Variants in MTA1 observed in about 807,000 individuals in gnomAD.
The protein encoded by MTA1 is metastasis-associated protein MTA1.
Under a neutral mutation model 97.0 loss-of-function variants are expected in MTA1, and 15 were observed. The observed-to-expected ratio is 0.15, with a 90% CI of 0.10 to 0.24. MTA1 has a LOEUF of 0.24. Ranked by LOEUF, MTA1 falls within the 10% of genes least tolerant of loss-of-function variation. The pLI is 1.00. For missense variants in MTA1, 709 were observed against 1,015.1 expected, an observed-to-expected ratio of 0.70 and a Z score of 4.10; for synonymous variants, 435 against 417.5, an observed-to-expected ratio of 1.04 and a Z score of -0.51.
rs113573281 is a variant in MTA1 at position 105,463,562 on chromosome 14, C to T, written c.1076+11C>T. 7.7e-4 allele frequency: 1,235 copies of T among 1,612,592 alleles called. 19 individuals are homozygous for T. Among genetic ancestry groups the T allele is most frequent in the South Asian group, 6.1e-3 (557 of 91,058 alleles). ...TTATATTCCCAACTAGTAAGTGTGC[C>T]CTCACAGCCGTCGTCCTCGTGGCCC... is the stretch of plus-strand genomic sequence containing the variant. On this transcript the variant is annotated intron_variant, in intron 12 of 20. Transcript: ENST00000331320. This position sits in a 1 kb window ranked among gnomAD's most constrained non-coding sequence, Gnocchi z 5.9.
At chr14:105,430,033 A>G (rs2082133993) in intron 1 of MTA1, among the ~76,000 whole-genome samples, 1 of 152,136 alleles carries the variant, frequency 6.6e-6, no homozygotes, top group Non-Finnish European at 1.5e-5. Flanking sequence ...CTGGGAATAC[A>G]GGTGTGAGCC....
chr14:105,437,621 G>A (rs782151819), intron 1 of MTA1, among the ~76,000 whole-genome samples: 8 of 152,226 alleles, frequency 5.3e-5, no homozygotes, highest in Non-Finnish European at 1.2e-4. Flanking sequence ...GCCTCCGTGT[G>A]GACAGATGGG....
Position 105,465,129 on chromosome 14 carries a change from C to T in MTA1, c.1570C>T (p.Leu524=). ...GCTGCCCGAAGCCTCCCAGAGCCCGCTGGTGCTGAAGCAGGCGGTACGCAA... is the reference window on the plus strand; with the variant it reads ...GCTGCCCGAAGCCTCCCAGAGCCCGTTGGTGCTGAAGCAGGCGGTACGCAA... ...ARLPEASQSP[L]VLKQAVRKPL... is the part of the protein sequence containing the mutation. The change falls in exon 16 of 21, where the codon CTG becomes TTG. Residue 524 remains leucine (L), a synonymous_variant. Coordinates refer to ENST00000331320, the MANE Select transcript of MTA1 (RefSeq NM_004689.4). 6.6e-7 allele frequency: 1 copy of T among 1,524,982 alleles called. No individual in the cohort carries two copies. The highest frequency in any genetic ancestry group is 8.8e-7 in the Non-Finnish European group (1 of 1,132,204). 94.5% of individuals were successfully genotyped at this position (1,524,982 alleles called of 1,614,324 possible).
chr14:105,436,231 T>G (rs1185294471), intron 1 of MTA1, among the ~76,000 whole-genome samples: 1 of 152,200 alleles, frequency 6.6e-6, no homozygotes, highest in African/African-American at 2.4e-5. Context: ...ATCGCTCCAT[T>G]GCACTCCATC....
chr14:105,423,854 G>T (rs2081927971), intron 1 of MTA1, among the ~76,000 whole-genome samples: 3 of 152,252 alleles, frequency 2.0e-5, no homozygotes, highest in African/African-American at 7.2e-5. Flanking sequence ...TGTCAGATTT[G>T]TAGAGGGCTG....
intron 7 of MTA1, 22 bp downstream of exon 7, chr14:105,454,332 A>T (rs767670554): frequency 6.4e-7 from 1 of 1,557,634 alleles, no homozygotes. Context: ...CGCCCTGGGC[A>T]TGGAGCCCTC....
intron 3 of MTA1, among the ~76,000 whole-genome samples, chr14:105,446,388 C>T (rs782271702): frequency 5.3e-5 from 8 of 152,334 alleles, no homozygotes; most frequent in Non-Finnish European, 1.2e-4. Flanking sequence ...CATGTGACTG[C>T]CCGGGTACCC....
intron 7 of MTA1, 106 bp from the exon 8 acceptor site, chr14:105,458,164 C>A: frequency 1.1e-6 from 1 of 892,158 alleles, no homozygotes; most frequent in Non-Finnish European, 1.8e-6. Context: ...GGCCCTGCAG[C>A]CCTTCCCCCT....
intron 1 of MTA1, among the ~76,000 whole-genome samples, chr14:105,427,886 T>C (rs1184468043): frequency 6.6e-6 from 1 of 151,474 alleles, no homozygotes; most frequent in Non-Finnish European, 1.5e-5. Context: ...GGCGTGGTGG[T>C]GCGTGCCTGT....
intron 3 of MTA1, chr14:105,445,956 C>T (rs1034073848): frequency 3.2e-5 from 10 of 314,458 alleles, no homozygotes; most frequent in African/African-American, 2.0e-4. Flanking sequence ...GCAGTCCTCT[C>T]CTTATTCTTT....
In MTA1 at chr14:105,465,098, G is replaced by A. The variant is rs782038303; in HGVS notation, c.1539G>A (p.Thr513=). Reference sequence around the variant, plus strand: ...ACACCGTGTGGTACCCCGCAGGCACGGCGCGGCTGCCCGAAGCCTCCCAGA... The same window carrying A: ...ACACCGTGTGGTACCCCGCAGGCACAGCGCGGCTGCCCGAAGCCTCCCAGA... ...INSAAIKAEC[T]ARLPEASQSP... The change falls in exon 16 of 21, where the codon ACG becomes ACA. Residue 513 remains threonine, a synonymous_variant. Coordinates refer to ENST00000331320, the MANE Select transcript of MTA1 (RefSeq NM_004689.4). 31 of 1,513,340 alleles carry A rather than the reference G, an allele frequency of 2.0e-5. No homozygotes were observed. Among genetic ancestry groups the A allele is most frequent in the African/African-American group, 5.5e-5 (4 of 72,356 alleles). 93.7% of individuals were successfully genotyped at this position (1,513,340 alleles called of 1,614,324 possible).
intron 1 of MTA1, among the ~76,000 whole-genome samples, chr14:105,421,354 C>A (rs1419291099): frequency 6.6e-6 from 1 of 152,148 alleles, no homozygotes; most frequent in African/African-American, 2.4e-5. Context: ...CCTTCCTGTT[C>A]TTTCTCCCCA....
rs782442063 is a variant in MTA1 at position 105,454,309 on chromosome 14, A to T, written c.549A>T (p.Glu183Asp). Residue 183 changes from glutamate to aspartate, a missense_variant and splice_region_variant, in exon 7 of 21, where the codon GAA (glutamate) becomes GAT (aspartate). Transcript: ENST00000331320. ...CAGACATCACCGACTTGTTAAAAGAAGGTAGGGTGGGCCGCCCTGGGCATG... is the reference window on the plus strand; with the variant it reads ...CAGACATCACCGACTTGTTAAAAGATGGTAGGGTGGGCCGCCCTGGGCATG... ...YQADITDLLK[E>D]GEEDGRDQSR... 3.7e-6 allele frequency: 6 copies of T among 1,611,162 alleles called. No homozygotes were observed. Among genetic ancestry groups the T allele is most frequent in the Non-Finnish European group, 5.1e-6 (6 of 1,177,830 alleles).
intron 3 of MTA1, among the ~76,000 whole-genome samples, chr14:105,448,591 G>T (rs1555427800): frequency 6.6e-6 from 1 of 152,226 alleles, no homozygotes. Context: ...AGATGTGTTG[G>T]CCTGGGATGA....
intron 18 of MTA1, chr14:105,467,507 C>T (rs2083645655): frequency 2.2e-6 from 1 of 455,764 alleles, no homozygotes. Context: ...CTGGCAGGCA[C>T]GTCCTGTGGG....
chr14:105,441,655 G>C (rs587768342), intron 2 of MTA1, among the ~76,000 whole-genome samples: 1 of 152,160 alleles, frequency 6.6e-6, no homozygotes, highest in African/African-American at 2.4e-5. Context: ...TTAGCCGGGC[G>C]TGGTGGCGGG....
chr14:105,440,839 C>T (rs1407918776), intron 2 of MTA1, among the ~76,000 whole-genome samples: 6 of 152,380 alleles, frequency 3.9e-5, no homozygotes, highest in East Asian at 1.9e-4. Flanking sequence ...GAGCTCCAGG[C>T]GGGGCTTCCA....
chr14:105,450,296 A>G lies in MTA1; in HGVS notation c.404A>G (p.Glu135Gly), dbSNP rs1555428298. ...KCSVTLLNET[E>G]SLKSYLERED... ...AGCGTCACCCTGCTCAACGAGACCG[A>G]GTCGCTCAAGTCCTACCTGGAGCGG... is the stretch of plus-strand genomic sequence containing the variant. Residue 135 changes from glutamate to glycine, a missense_variant, in exon 6 of 21, where the codon GAG (glutamate) becomes GGG (glycine). By Grantham distance (98) the Glu-to-Gly change is moderately conservative. Around this residue, in one of 2 missense-constraint regions of MTA1, gnomAD observed 321 missense variants for 593.5 expected, o/e 0.54. Coordinates refer to ENST00000331320, the MANE Select transcript of MTA1 (RefSeq NM_004689.4). 1.9e-6 allele frequency: 3 copies of G among 1,606,672 alleles called. No homozygotes were observed. In the African/African-American group the frequency reaches 4.0e-5, roughly 21 times the overall value.
chr14:105,469,320 C>A lies in MTA1; in HGVS notation c.1814-147C>A, dbSNP rs182742061. 10 of 858,924 alleles carry A rather than the reference C, an allele frequency of 1.2e-5. No homozygotes were observed. The African/African-American group carries it at 1.5e-4, about 13-fold the overall frequency. The allele number at this position is 858,924 out of a possible 1,614,324, so 53.2% of individuals were successfully genotyped here. ...GACCCGGGGATGCGAGGCCCCACGT[C>A]CCCCAGGCCCATCCTGGGTGTGGGC... is the stretch of plus-strand genomic sequence containing the variant. On this transcript the variant is annotated intron_variant, in intron 18 of 20. Transcript: ENST00000331320.
Sources: gnomAD v4.1 joint callset for allele counts (sites outside exome capture counted in the v4.1 genomes callset) on GRCh38, gnomAD v4.1.1 for gene constraint, gnomAD v4.1.1 regional missense constraint, Gnocchi (gnomAD v3.1) non-coding constraint, MANE v1.5 for transcripts, NCBI Gene and HGNC (gene_info 2026-07-23, HGNC 2026-07-21) for gene names.